SSR2: variants seen among roughly 807,000 people sequenced by gnomAD.
SSR2 encodes the protein translocon-associated protein subunit beta.
In SSR2, 16 loss-of-function variants were observed where a neutral mutation model predicts 22.6. That is an observed-to-expected ratio of 0.71 (90% CI 0.48 to 1.08). The LOEUF (loss-of-function observed/expected upper bound fraction) is 1.08, where lower values mean the gene tolerates loss of function less well. SSR2 is among the 50% of genes least tolerant of loss of function. The probability of loss-of-function intolerance (pLI) is 0.00; values close to 1 mark genes in which losing one functional copy is unlikely to be tolerated. For synonymous variants in SSR2, 83 were observed against 91.2 expected (o/e 0.91, Z 0.51); for missense variants, 171 against 221.6 (o/e 0.77, Z 1.45).
intron 3 of SSR2, 82 bp downstream of exon 3, chr1:156,018,188 C>G: frequency 1.0e-6 from 1 of 1,002,982 alleles, no homozygotes; most frequent in Admixed American, 1.8e-5. Context: ...ACATATCCAG[C>G]CTATTTGAAG....
At chr1:156,015,539 T>A (rs551672612) in intron 3 of SSR2, among the ~76,000 whole-genome samples, 334 of 65,378 alleles carry the variant, frequency 5.1e-3, no homozygotes, top group African/African-American at 0.012. Context: ...AAAAAAAATA[T>A]ATATATATAT....
At chr1:156,013,712 G>C (rs1333071843) in intron 4 of SSR2, 1 of 153,658 alleles carries the variant, frequency 6.5e-6, no homozygotes, top group Admixed American at 6.6e-5. Context: ...AAAATAGCTA[G>C]ACTACTGGAG....
Position 156,011,906 on chromosome 1 carries a change from C to A in SSR2, c.364-19G>T. On this transcript the variant is annotated intron_variant, in intron 4 of 5. Transcript: ENST00000295702. ...AGCCAATCTGAAAAGAAGAAAAGAACGACATTAAGGGAAGTCCACCTCATG... is the reference window on the plus strand; with the variant it reads ...AGCCAATCTGAAAAGAAGAAAAGAAAGACATTAAGGGAAGTCCACCTCATG... The A allele has an allele frequency of 1.2e-6, 2 of 1,605,078 alleles. No individual in the cohort carries two copies. The highest frequency in any genetic ancestry group is 1.3e-5 in the African/African-American group (1 of 74,822).
At chr1:156,019,912 C>G in intron 2 of SSR2, 101 bp downstream of exon 2, 1 of 1,350,870 alleles carries the variant, frequency 7.4e-7, no homozygotes, top group Non-Finnish European at 1.0e-6. Flanking sequence ...CTGGAAGTGT[C>G]CCAAAGAGAA....
At chr1:156,016,339 T>C (rs1683055675) in intron 3 of SSR2, among the ~76,000 whole-genome samples, 1 of 151,794 alleles carries the variant, frequency 6.6e-6, no homozygotes, top group Admixed American at 6.6e-5. Context: ...GTTCACACCA[T>C]TCTCCTGCCT....
intron 1 of SSR2, 62 bp downstream of exon 1, chr1:156,020,826 G>T: frequency 4.4e-6 from 2 of 458,688 alleles, no homozygotes; most frequent in Non-Finnish European, 9.2e-6. Context: ...CAGCCACGGG[G>T]TGATGCGCGG....
chr1:156,019,224 G>T (rs1020702632), intron 2 of SSR2: 1 of 452,712 alleles, frequency 2.2e-6, no homozygotes. Flanking sequence ...GGAGGCAATA[G>T]GTCCAAGTTC....
intron 3 of SSR2, among the ~76,000 whole-genome samples, chr1:156,015,334 C>T (rs931670730): frequency 9.3e-5 from 14 of 150,908 alleles, no homozygotes; most frequent in African/African-American, 2.7e-4. Context: ...GGTGAAACCC[C>T]GTCTCTAATA....
rs1361081326 is a variant in SSR2 at position 156,015,060 on chromosome 1, A to G, written c.264T>C (p.Asn88=). ...VKWDRIAPAS[N]VSHTVVLRPL... ...GGCGCAGGACCACAGTGTGGGAGAC[A>G]TTGCTAGCACTGGCTCAAGAGTTAA... Residue 88 remains asparagine (N), a synonymous_variant, in exon 4 of 6, where the codon AAT becomes AAC. Transcript: ENST00000295702. The G allele has an allele frequency of 6.2e-7, 1 of 1,613,674 alleles. No homozygotes were observed. Among genetic ancestry groups the G allele is most frequent in the Non-Finnish European group, 8.5e-7 (1 of 1,179,670 alleles).
chr1:156,019,985 A>C, intron 2 of SSR2, 28 bp downstream of exon 2: 1 of 1,602,024 alleles, frequency 6.2e-7, no homozygotes, highest in South Asian at 1.1e-5. Flanking sequence ...AAATAGGCTT[A>C]ATCTGTAACT....
chr1:156,016,364 G>A (rs909784186), intron 3 of SSR2, among the ~76,000 whole-genome samples: 1 of 151,840 alleles, frequency 6.6e-6, no homozygotes, highest in Non-Finnish European at 1.5e-5. Flanking sequence ...CTCCAGAGTA[G>A]CTGGAACTAC....
At chr1:156,011,023 G>A (rs903658496) in intron 5 of SSR2, 4 of 151,650 alleles carry the variant, frequency 2.6e-5, no homozygotes. Context: ...GGCAGCTAGA[G>A]TGCAGTGGCT....
At chr1:156,017,817 C>A (rs1221692693) in intron 3 of SSR2, among the ~76,000 whole-genome samples, 1 of 117,398 alleles carries the variant, frequency 8.5e-6, no homozygotes, top group Non-Finnish European at 1.6e-5. Context: ...GTGGCAGGAT[C>A]TCGGCTCACT....
chr1:156,012,071 C>G, intron 4 of SSR2, 184 bp from the exon 5 acceptor site: 1 of 539,970 alleles, frequency 1.9e-6, no homozygotes, highest in Non-Finnish European at 3.4e-6. Context: ...GGATGATTCT[C>G]TCTTAGTGTG....
intron 3 of SSR2, among the ~76,000 whole-genome samples, chr1:156,016,386 A>G (rs1683057722): frequency 6.6e-6 from 1 of 151,742 alleles, no homozygotes; most frequent in Non-Finnish European, 1.5e-5. Context: ...GGCGCCCGCC[A>G]CCACGCCTGG....
intron 1 of SSR2, 60 bp downstream of exon 1, chr1:156,020,828 G>A: frequency 2.2e-6 from 1 of 458,440 alleles, no homozygotes; most frequent in South Asian, 1.6e-5. Flanking sequence ...GCCACGGGGT[G>A]ATGCGCGGAC....
At chr1:156,019,974 G>A (rs1425842946) in intron 2 of SSR2, 39 bp downstream of exon 2, 54 of 1,590,144 alleles carry the variant, frequency 3.4e-5, no homozygotes, top group Non-Finnish European at 4.5e-5. Flanking sequence ...TAAGAATCCA[G>A]AAATAGGCTT....
At chr1:156,020,761 C>T in intron 1 of SSR2, 127 bp downstream of exon 1, 1 of 410,534 alleles carries the variant, frequency 2.4e-6, no homozygotes, top group Non-Finnish European at 5.2e-6. Flanking sequence ...TGCAAGGTTA[C>T]ACGTCCTCCA....
intron 1 of SSR2, 51 bp from the exon 2 acceptor site, chr1:156,020,218 C>T: frequency 6.2e-7 from 1 of 1,602,210 alleles, no homozygotes; most frequent in Non-Finnish European, 8.5e-7. Flanking sequence ...GTCAAATTCA[C>T]CAAAATCCTC....
Sources: gnomAD v4.1 joint callset for allele counts (sites outside exome capture counted in the v4.1 genomes callset) on GRCh38, gnomAD v4.1.1 for gene constraint, MANE v1.5 for transcripts, NCBI Gene and HGNC (gene_info 2026-07-23, HGNC 2026-07-21) for gene names.